DSCAM: variants seen among roughly 807,000 people sequenced by gnomAD.
DSCAM encodes the protein cell adhesion molecule DSCAM.
DSCAM carries 47 observed loss-of-function variants against 217.7 expected under a neutral mutation model. That is an observed-to-expected ratio of 0.22 (90% confidence interval 0.17 to 0.28). The LOEUF is 0.28. Ranked by LOEUF, DSCAM falls within the 10% of genes least tolerant of loss-of-function variation. The pLI is 1.00. For missense variants in DSCAM, 2,080 were observed against 2,618.3 expected (o/e 0.79, Z 4.49); for synonymous variants, 1,056 against 1,015.3 (o/e 1.04, Z -0.76).
intron 20 of DSCAM, 77 bp from the exon 21 acceptor site, chr21:40,093,951 G>A (rs984889825): frequency 6.8e-7 from 1 of 1,460,524 alleles, no homozygotes; most frequent in African/African-American, 1.4e-5. Context: ...GAATGGTCAT[G>A]AACATATTAA....
intron 4 of DSCAM, among the ~76,000 whole-genome samples, chr21:40,364,587 G>A (rs771038906): frequency 2.6e-5 from 4 of 151,124 alleles, no homozygotes; most frequent in Non-Finnish European, 2.9e-5. Context: ...TAAATGACGA[G>A]TTAATGGGTG....
At chr21:40,263,430 T>C (rs567665519) in intron 11 of DSCAM, among the ~76,000 whole-genome samples, 1 of 152,240 alleles carries the variant, frequency 6.6e-6, no homozygotes, top group African/African-American at 2.4e-5. Flanking sequence ...TACAAATACA[T>C]GAAAATTAAG....
intron 10 of DSCAM, among the ~76,000 whole-genome samples, chr21:40,290,278 T>A (rs1283479416): frequency 2.0e-5 from 3 of 152,186 alleles, no homozygotes; most frequent in Admixed American, 6.5e-5. Context: ...GCACCACATC[T>A]ATGGGAAAAT....
chr21:40,789,594 T>C, intron 1 of DSCAM, among the ~76,000 whole-genome samples: 1 of 148,380 alleles, frequency 6.7e-6, no homozygotes, highest in African/African-American at 2.5e-5. Context: ...CTTGCACTGT[T>C]GCCCAGGCTG....
chr21:40,402,048 C>CTTT, intron 3 of DSCAM, among the ~76,000 whole-genome samples: 2 of 100,162 alleles, frequency 2.0e-5, no homozygotes, highest in South Asian at 3.7e-4. Flanking sequence ...TATTCTTATT[C>CTTT]CTTTTTTTTT....
chr21:40,348,071 C>T, intron 5 of DSCAM, 126 bp from the exon 6 acceptor site: 1 of 852,856 alleles, frequency 1.2e-6, no homozygotes, highest in Non-Finnish European at 1.8e-6. Flanking sequence ...TTCCCATCAG[C>T]CACATTATTG....
chr21:40,299,579 A>C (rs1290863571), intron 9 of DSCAM, among the ~76,000 whole-genome samples: 1 of 152,172 alleles, frequency 6.6e-6, no homozygotes, highest in Non-Finnish European at 1.5e-5. Context: ...TTGCCTGCCC[A>C]GAGCCTAATG....
chr21:40,031,975 A>C (rs563222044), intron 32 of DSCAM, among the ~76,000 whole-genome samples: 1 of 152,098 alleles, frequency 6.6e-6, no homozygotes, highest in Non-Finnish European at 1.5e-5. Flanking sequence ...CCTTGCCCCT[A>C]GTCTCCAGCC....
intron 11 of DSCAM, among the ~76,000 whole-genome samples, chr21:40,227,538 A>G (rs534344153): frequency 3.9e-5 from 6 of 152,196 alleles, no homozygotes; most frequent in Admixed American, 2.0e-4. Flanking sequence ...GATATTTCTC[A>G]GAATTTGAAA....
chr21:40,782,106 G>A (rs2123431852), intron 1 of DSCAM, among the ~76,000 whole-genome samples: 1 of 151,618 alleles, frequency 6.6e-6, no homozygotes, highest in Admixed American at 6.6e-5. Flanking sequence ...GGGAGGCGGA[G>A]CTTGCAGTGA....
At chr21:40,081,673 C>CA (rs759248126) in intron 24 of DSCAM, among the ~76,000 whole-genome samples, 29 of 152,136 alleles carry the variant, frequency 1.9e-4, no homozygotes, top group Non-Finnish European at 3.5e-4. Flanking sequence ...GAAGCCACCT[C>CA]AAAAAACTCC....
At chr21:40,794,713 A>G (rs958149371) in intron 1 of DSCAM, among the ~76,000 whole-genome samples, 3 of 150,710 alleles carry the variant, frequency 2.0e-5, no homozygotes, top group African/African-American at 7.3e-5. Flanking sequence ...GTTGACCTGG[A>G]TAGCTGGTCT....
At chr21:40,727,086 C>A (rs896642977) in intron 1 of DSCAM, among the ~76,000 whole-genome samples, 1 of 152,132 alleles carries the variant, frequency 6.6e-6, no homozygotes, top group African/African-American at 2.4e-5. Flanking sequence ...CTGTTACAAA[C>A]AACAAAAAAC....
chr21:40,431,031 T>A (rs2075526140), intron 3 of DSCAM, among the ~76,000 whole-genome samples: 1 of 152,202 alleles, frequency 6.6e-6, no homozygotes, highest in Non-Finnish European at 1.5e-5. Flanking sequence ...AGCAAAGCAG[T>A]CTGAGAATAT....
At chr21:40,557,615 G>A (rs944396549) in intron 3 of DSCAM, among the ~76,000 whole-genome samples, 35 of 152,124 alleles carry the variant, frequency 2.3e-4, no homozygotes, top group Non-Finnish European at 3.5e-4. Context: ...GATGACAGGC[G>A]TGAGCCACCA....
intron 3 of DSCAM, among the ~76,000 whole-genome samples, chr21:40,378,927 A>G (rs1462593180): frequency 6.6e-6 from 1 of 152,184 alleles, no homozygotes; most frequent in African/African-American, 2.4e-5. Context: ...CTGAATGCCA[A>G]TCAAGGGATA....
At chr21:40,445,887 T>G (rs776815779) in intron 3 of DSCAM, among the ~76,000 whole-genome samples, 6 of 152,228 alleles carry the variant, frequency 3.9e-5, no homozygotes, top group African/African-American at 1.4e-4. Flanking sequence ...ATGCAAATAA[T>G]AAGACTCTAT....
chr21:40,115,092 C>A (rs1024148715), intron 20 of DSCAM, among the ~76,000 whole-genome samples: 103 of 152,156 alleles, frequency 6.8e-4, no homozygotes, highest in African/African-American at 2.0e-3. Context: ...ATAAAACATG[C>A]TGCTATAAAG....
chr21:40,452,190 C>A (rs2075725304), intron 3 of DSCAM, among the ~76,000 whole-genome samples: 1 of 150,384 alleles, frequency 6.6e-6, no homozygotes, highest in Non-Finnish European at 1.5e-5. Flanking sequence ...ATACAGAGCA[C>A]TATATAATAT....
Sources: gnomAD v4.1 joint callset for allele counts (sites outside exome capture counted in the v4.1 genomes callset) on GRCh38, gnomAD v4.1.1 for gene constraint, MANE v1.5 for transcripts, NCBI Gene and HGNC (gene_info 2026-07-23, HGNC 2026-07-21) for gene names.